Variants in JPH3 observed in about 807,000 individuals in gnomAD.
The protein encoded by JPH3 is junctophilin-3.
In JPH3, 11 loss-of-function variants were observed where a neutral mutation model predicts 59.6. The observed-to-expected ratio is 0.18, with a 90% CI of 0.12 to 0.31. The LOEUF is 0.31. JPH3 is among the 10% of genes least tolerant of loss of function. The pLI is 1.00. For missense variants in JPH3, 1,202 were observed against 1,105.7 expected, an observed-to-expected ratio of 1.09 and a Z score of -1.24; for synonymous variants, 673 against 483.6, an observed-to-expected ratio of 1.39 and a Z score of -5.14.
intron 2 of JPH3, among the ~76,000 whole-genome samples, chr16:87,645,769 G>A (rs1369300755): frequency 3.3e-5 from 5 of 152,168 alleles, no homozygotes; most frequent in Non-Finnish European, 7.4e-5. Flanking sequence ...TGGCTCCTGT[G>A]GAGGTGAGTG....
intron 2 of JPH3, among the ~76,000 whole-genome samples, chr16:87,663,524 T>C (rs1212345445): frequency 1.3e-5 from 2 of 152,174 alleles, no homozygotes; most frequent in Non-Finnish European, 2.9e-5. Context: ...ATAACACAAG[T>C]TTCCCGTTTT....
rs138715600 is a variant in JPH3 at position 87,644,469 on chromosome 16, C to T, written c.594C>T (p.Leu198=). Residue 198 remains leucine (L), a synonymous_variant, in exon 2 of 5, where the codon CTC becomes CTT. Transcript: ENST00000284262. ...CCGTGTCCCGCGGGGGCTTCGTGCT[C>T]GTGGCCCACAGTGACTCCGAGATCC... ...SPAVSRGGFV[L]VAHSDSEILK... 2,955 of 1,612,752 alleles carry T rather than the reference C, an allele frequency of 1.8e-3. 52 individuals carry two copies. The highest frequency in any genetic ancestry group is 3.2e-4 in the Non-Finnish European group (377 of 1,179,772).
rs530879651 is a variant in JPH3, at chr16:87,695,508, G to A, written c.2167-1072G>A. ...CAGTGGGGTCTACATCTCCTTCCAG[G>A]TGGCTGCGAGATGCAGGGCGTGGTG... is the stretch of plus-strand genomic sequence containing the variant. On this transcript the variant is annotated intron_variant, in intron 4 of 4. Transcript: ENST00000284262. 737 of 455,140 alleles carry A rather than the reference G, an allele frequency of 1.6e-3. 3 individuals carry two copies. The highest frequency in any genetic ancestry group is 2.2e-3 in the Non-Finnish European group (490 of 226,004). The allele number at this position is 455,140 out of a possible 1,614,324, so 28.2% of individuals were successfully genotyped here.
intron 1 of JPH3, among the ~76,000 whole-genome samples, chr16:87,610,807 C>T (rs1479949350): frequency 6.6e-6 from 1 of 152,186 alleles, no homozygotes; most frequent in African/African-American, 2.4e-5. Flanking sequence ...GCGATACCAG[C>T]AGTCATGACT....
intron 2 of JPH3, among the ~76,000 whole-genome samples, chr16:87,673,844 T>C (rs1347008956): frequency 2.0e-5 from 3 of 152,064 alleles, no homozygotes; most frequent in Non-Finnish European, 4.4e-5. Context: ...AAGAATCGCT[T>C]GAACCTGGGA....
chr16:87,666,125 A>G (rs1260572074), intron 2 of JPH3, among the ~76,000 whole-genome samples: 7 of 148,660 alleles, frequency 4.7e-5, no homozygotes, highest in Non-Finnish European at 7.4e-5. Context: ...AGTTTCGCTC[A>G]TTGCCCAGGC....
chr16:87,661,580 AC>A (rs1272299459), intron 2 of JPH3, among the ~76,000 whole-genome samples: 1 of 152,184 alleles, frequency 6.6e-6, no homozygotes, highest in Non-Finnish European at 1.5e-5. Flanking sequence ...GGGGGATGAA[AC>A]AGCCGAGGGT....
chr16:87,631,131 T>G (rs2031552800), intron 1 of JPH3, among the ~76,000 whole-genome samples: 1 of 152,198 alleles, frequency 6.6e-6, no homozygotes, highest in African/African-American at 2.4e-5. Flanking sequence ...GATTCAGTAA[T>G]ACACACAAAT....
chr16:87,662,004 C>T (rs927403269), intron 2 of JPH3, among the ~76,000 whole-genome samples: 3 of 152,180 alleles, frequency 2.0e-5, no homozygotes, highest in African/African-American at 2.4e-5. Context: ...TTAATTCAGG[C>T]GGCTATGCAT....
intron 1 of JPH3, among the ~76,000 whole-genome samples, chr16:87,630,888 T>C (rs2031545094): frequency 6.6e-6 from 1 of 152,214 alleles, no homozygotes; most frequent in Non-Finnish European, 1.5e-5. Context: ...ATATTGCATT[T>C]TTTGTTGTTA....
At position 87,689,632 on chromosome 16, in the gene JPH3, G is replaced by A; in HGVS notation, c.1286-14G>A. On this transcript the variant is annotated splice_polypyrimidine_tract_variant and intron_variant, in intron 3 of 4. Coordinates refer to ENST00000284262, the MANE Select transcript of JPH3 (RefSeq NM_020655.4). ...GGGTAACGCCGTCTGGCGTCGTCTT[G>A]TGTCCCCATACAGGGCTGGAGTACC... is the stretch of plus-strand genomic sequence containing the variant. 6.2e-7 allele frequency: 1 copy of A among 1,610,336 alleles called. No individual in the cohort carries two copies. The highest frequency in any genetic ancestry group is 8.5e-7 in the Non-Finnish European group (1 of 1,178,830).
At chr16:87,620,583 G>C (rs1443086070) in intron 1 of JPH3, among the ~76,000 whole-genome samples, 3 of 151,908 alleles carry the variant, frequency 2.0e-5, no homozygotes, top group East Asian at 1.9e-4. Flanking sequence ...CCTGCCATGG[G>C]GGGGACGTGC....
rs1443686472 is a variant in JPH3, at chr16:87,690,071, C to T, written c.1711C>T (p.Pro571Ser). The change falls in exon 4 of 5, where the codon CCG becomes TCG. Residue 571 changes from proline (P) to serine (S), a missense_variant. Coordinates refer to ENST00000284262, the MANE Select transcript of JPH3 (RefSeq NM_020655.4). ...CCGCAAGCAGCCCGGGAACCCCAAGCCGCGGGAGCGGCGGACGGAGTCACC... is the reference window on the plus strand; with the variant it reads ...CCGCAAGCAGCCCGGGAACCCCAAGTCGCGGGAGCGGCGGACGGAGTCACC... ...SGRKQPGNPK[P>S]RERRTESPPV... 1.3e-6 allele frequency: 2 copies of T among 1,581,482 alleles called. No individual in the cohort carries two copies. Among genetic ancestry groups the T allele is most frequent in the Admixed American group, 3.5e-5 (2 of 57,172 alleles).
chr16:87,627,443 TAGTAG>T (rs2031418367), intron 1 of JPH3, among the ~76,000 whole-genome samples: 1 of 152,188 alleles, frequency 6.6e-6, no homozygotes, highest in African/African-American at 2.4e-5. Flanking sequence ...GGATTTTATG[TAGTAG>T]ACACACAGGG....
At chr16:87,639,568 A>G (rs932470077) in intron 1 of JPH3, among the ~76,000 whole-genome samples, 1 of 151,864 alleles carries the variant, frequency 6.6e-6, no homozygotes, top group African/African-American at 2.4e-5. Flanking sequence ...TCCCAAACCG[A>G]AACTCTGTCC....
chr16:87,633,550 C>A (rs1373702637), intron 1 of JPH3, among the ~76,000 whole-genome samples: 1 of 151,734 alleles, frequency 6.6e-6, no homozygotes, highest in Non-Finnish European at 1.5e-5. Flanking sequence ...ACCTGTAATT[C>A]CAGTGCTTTG....
intron 1 of JPH3, among the ~76,000 whole-genome samples, chr16:87,634,999 G>A (rs1057242505): frequency 6.6e-6 from 1 of 152,188 alleles, no homozygotes; most frequent in Non-Finnish European, 1.5e-5. Context: ...GGTGACCTCC[G>A]CCTGCATGGA....
intron 2 of JPH3, among the ~76,000 whole-genome samples, chr16:87,675,114 C>A (rs2033110949): frequency 6.6e-6 from 1 of 152,086 alleles, no homozygotes; most frequent in African/African-American, 2.4e-5. Flanking sequence ...CTGAGAATAG[C>A]TAGGCAGTGG....
intron 2 of JPH3, among the ~76,000 whole-genome samples, chr16:87,658,997 C>T (rs1277124651): frequency 6.6e-6 from 1 of 152,206 alleles, no homozygotes; most frequent in African/African-American, 2.4e-5. Context: ...AGCTGCAGAC[C>T]TGGGCGGTCA....
Sources: allele counts gnomAD v4.1 joint callset (sites outside exome capture counted in the v4.1 genomes callset), GRCh38; gene constraint gnomAD v4.1.1; transcripts MANE v1.5; gene names NCBI Gene and HGNC (gene_info 2026-07-23, HGNC 2026-07-21).